NLRC3: variants seen among roughly 807,000 people sequenced by gnomAD.
The protein encoded by NLRC3 is NLR family CARD domain-containing protein 3.
In NLRC3, 87 loss-of-function variants were observed where a neutral mutation model predicts 91.6. The ratio of observed to expected loss-of-function variants is 0.95; its 90% CI spans 0.80 to 1.14. The LOEUF (loss-of-function observed/expected upper bound fraction) is 1.14, where lower values mean the gene tolerates loss of function less well. Among genes scored for constraint, NLRC3 ranks in the 50% most tolerant of loss-of-function variants. The pLI is 0.00. For synonymous variants in NLRC3, 694 were observed against 625.3 expected, an observed-to-expected ratio of 1.11 and a Z score of -1.64; for missense variants, 1,577 against 1,418.6, an observed-to-expected ratio of 1.11 and a Z score of -1.79.
At chr16:3,562,984 C>T (rs1283840999) in intron 5 of NLRC3, 25 bp downstream of exon 5, 1 of 1,544,734 alleles carries the variant, frequency 6.5e-7, no homozygotes, top group Non-Finnish European at 8.7e-7. Context: ...CTTCCCCAGC[C>T]CCTGCCCCCT....
At chr16:3,544,011 T>C in intron 16 of NLRC3, 1 of 500,260 alleles carries the variant, frequency 2.0e-6, no homozygotes, top group Non-Finnish European at 3.6e-6. Context: ...AAAATTAGGC[T>C]GGGTGTGGTG....
At chr16:3,567,907 C>A (rs998906561) in intron 1 of NLRC3, among the ~76,000 whole-genome samples, 2 of 150,812 alleles carry the variant, frequency 1.3e-5, no homozygotes, top group South Asian at 2.1e-4. Context: ...GCTGTGTTGC[C>A]CAGGCTGGAG....
chr16:3,555,420 T>C (rs2039256496), intron 8 of NLRC3, among the ~76,000 whole-genome samples: 1 of 151,914 alleles, frequency 6.6e-6, no homozygotes, highest in African/African-American at 2.4e-5. Context: ...TTGGTGATTG[T>C]GAGGGGCTGG....
intron 6 of NLRC3, among the ~76,000 whole-genome samples, chr16:3,559,642 T>C (rs902126783): frequency 7.5e-5 from 11 of 147,028 alleles, no homozygotes; most frequent in South Asian, 4.3e-4. Flanking sequence ...TTTTTTTTTT[T>C]CTTTTTTTTT....
Position 3,554,272 on chromosome 16 carries a change from A to G in NLRC3, c.2237T>C (p.Leu746Ser), listed in dbSNP as rs1192982368. The G allele has an allele frequency of 6.2e-7, 1 of 1,613,768 alleles. No individual in the cohort carries two copies. The highest frequency in any genetic ancestry group is 1.7e-5 in the Admixed American group (1 of 60,016). Residue 746 changes from leucine to serine, a missense_variant, in exon 9 of 20, where the codon TTG becomes TCG. Physicochemically the swap from Leu to Ser is moderately radical, Grantham distance 145. Transcript: ENST00000359128. ...DDGARSMAEALASNRTLSMLH... is the reference protein window; with the variant it reads ...DDGARSMAEASASNRTLSMLH... ...CATGGAGAGGGTCCGGTTGGAGGCC[A>G]AGGCCTCAGCCATGGACCTGGCACC...
Position 3,563,389 on chromosome 16 carries a change from G to A in NLRC3, c.1548C>T (p.Phe516=). The change falls in exon 5 of 20, where the codon TTC becomes TTT. Residue 516 remains phenylalanine, a synonymous_variant. Transcript: ENST00000359128. ...CCCTCGGAGACAAGAGGCCGGAGAG[G>A]AAGCGCAGGAACACGTCCAGCCTCC... The part of the protein sequence containing the change: ...EDGRLDVFLR[F]LSGLLSPRVN... 1 of 1,581,000 alleles carries A rather than the reference G, an allele frequency of 6.3e-7. No homozygotes were observed. Among genetic ancestry groups the A allele is most frequent in the Non-Finnish European group, 8.6e-7 (1 of 1,164,208 alleles).
chr16:3,555,456 G>A (rs1171319393), intron 8 of NLRC3, among the ~76,000 whole-genome samples: 1 of 152,132 alleles, frequency 6.6e-6, no homozygotes, highest in Non-Finnish European at 1.5e-5. Context: ...GGAAGTGACT[G>A]TTTATGGGTA....
intron 9 of NLRC3, among the ~76,000 whole-genome samples, chr16:3,552,960 C>T (rs2151089733): frequency 6.6e-6 from 1 of 152,066 alleles, no homozygotes; most frequent in East Asian, 1.9e-4. Context: ...AAAAAAGAAA[C>T]CTCCCTAGGA....
In NLRC3 at chr16:3,564,462, C is replaced by A. The variant is rs750986719; in HGVS notation, c.475G>T (p.Val159Phe). 1.9e-6 allele frequency: 3 copies of A among 1,612,552 alleles called. No individual in the cohort carries two copies. The highest frequency in any genetic ancestry group is 1.7e-5 in the Admixed American group (1 of 60,020). The change falls in exon 5 of 20, where the codon GTC becomes TTC. Residue 159 changes from valine (V) to phenylalanine (F), a missense_variant. Val to Phe is a conservative substitution (Grantham distance 50). Coordinates refer to ENST00000359128, the MANE Select transcript of NLRC3 (RefSeq NM_178844.4). The surrounding 1 kb of genome is among the most constrained non-coding windows in gnomAD (Gnocchi z 5.9). ...MGKTTLVRHF[V>F]RLWAHGQVGK... The stretch of plus-strand genomic sequence containing the variant: ...ACCTGCCCATGGGCCCAGAGGCGGA[C>A]GAAGTGCCTCACCAGGGTGGTCTTG...
intron 9 of NLRC3, 39 bp downstream of exon 9, chr16:3,554,203 A>G: frequency 6.9e-7 from 1 of 1,449,106 alleles, no homozygotes; most frequent in Non-Finnish European, 9.7e-7. Context: ...GAGGAGGGAG[A>G]AGGGAGAGAA....
At position 3,564,067 on chromosome 16, in the gene NLRC3, G is replaced by C; in HGVS notation, c.870C>G (p.Asn290Lys). 3.7e-6 allele frequency: 6 copies of C among 1,613,208 alleles called. No homozygotes were observed. The highest frequency in any genetic ancestry group is 4.2e-6 in the Non-Finnish European group (5 of 1,179,892). ...VDRMTEIRGF[N>K]EEEIKVCLEQ... ...CCAAACACACCTTGATCTCCTCCTC[G>C]TTAAAGCCCCGGATCTCCGTCATCC... The change falls in exon 5 of 20, where the codon AAC (asparagine) becomes AAG (lysine). Residue 290 changes from asparagine (N) to lysine (K), a missense_variant. Asn to Lys is a moderately conservative substitution (Grantham distance 94). Coordinates refer to ENST00000359128, the MANE Select transcript of NLRC3 (RefSeq NM_178844.4). This position sits in a 1 kb window ranked among gnomAD's most constrained non-coding sequence, Gnocchi z 5.9.
At chr16:3,552,110 C>T in intron 10 of NLRC3, 86 bp downstream of exon 10, 1 of 827,806 alleles carries the variant, frequency 1.2e-6, no homozygotes, top group East Asian at 2.5e-5. Flanking sequence ...TCCATCCATC[C>T]ATCCTCAGGC....
chr16:3,549,550 C>G, intron 12 of NLRC3, 147 bp downstream of exon 12: 2 of 690,432 alleles, frequency 2.9e-6, no homozygotes, highest in South Asian at 3.6e-5. Context: ...ATCCCCTGCA[C>G]CCCAAGAGAG....
intron 1 of NLRC3, among the ~76,000 whole-genome samples, chr16:3,571,157 C>CCTATGA (rs2040083700): frequency 6.6e-6 from 1 of 151,874 alleles, no homozygotes. Flanking sequence ...GGCATTGGGG[C>CCTATGA]AATTGACCAG....
At chr16:3,548,902 A>G in intron 13 of NLRC3, 149 bp from the exon 14 acceptor site, 1 of 668,334 alleles carries the variant, frequency 1.5e-6, no homozygotes, top group Non-Finnish European at 2.6e-6. Flanking sequence ...ATGGCATGGT[A>G]ACATCCTCAT....
chr16:3,542,241 C>G lies in NLRC3; in HGVS notation c.3057G>C (p.Ala1019=). ...CAGACAGTGCTGTGGCAATGCATAT[C>G]GCCCCGTCCATCCCCAGAGAATTCT... ...LQENSLGMDG[A]ICIATALSGN... Residue 1019 remains alanine (A), a synonymous_variant, in exon 19 of 20, where the codon GCG becomes GCC. Coordinates refer to ENST00000359128, the MANE Select transcript of NLRC3 (RefSeq NM_178844.4). 1 of 1,594,524 alleles carries G rather than the reference C, an allele frequency of 6.3e-7. No individual in the cohort carries two copies.
chr16:3,552,106 C>T (rs1010380492), intron 10 of NLRC3, 90 bp downstream of exon 10: 2 of 805,004 alleles, frequency 2.5e-6, no homozygotes, highest in Non-Finnish European at 2.2e-6. Context: ...TCAATCCATC[C>T]ATCCATCCTC....
chr16:3,563,963 A>C lies in NLRC3; in HGVS notation c.974T>G (p.Met325Arg), dbSNP rs1194671044. 6.2e-7 allele frequency: 1 copy of C among 1,602,616 alleles called. No homozygotes were observed. The highest frequency in any genetic ancestry group is 8.5e-7 in the Non-Finnish European group (1 of 1,177,208). ...CCTGCAGAAGGCTGGGACGGTGCACATCAGGTACAGGGCCCTGTCAGCCTG... is the reference window on the plus strand; with the variant it reads ...CCTGCAGAAGGCTGGGACGGTGCACCTCAGGTACAGGGCCCTGTCAGCCTG... ...QVQADRALYL[M>R]CTVPAFCRLT... Residue 325 changes from methionine (M) to arginine (R), a missense_variant, in exon 5 of 20, where the codon ATG (methionine) becomes AGG (arginine). Physicochemically the swap from Met to Arg is moderately conservative, Grantham distance 91 (BLOSUM62 -1). Coordinates refer to ENST00000359128, the MANE Select transcript of NLRC3 (RefSeq NM_178844.4).
intron 14 of NLRC3, 74 bp from the exon 15 acceptor site, chr16:3,548,292 T>A: frequency 8.5e-7 from 1 of 1,182,974 alleles, no homozygotes; most frequent in Non-Finnish European, 1.2e-6. Flanking sequence ...AAGGAGGCTC[T>A]GATGGCAGGA....
Sources: allele counts gnomAD v4.1 joint callset (sites outside exome capture counted in the v4.1 genomes callset), GRCh38; gene constraint gnomAD v4.1.1; non-coding constraint Gnocchi (gnomAD v3.1); transcripts MANE v1.5; gene names NCBI Gene and HGNC (gene_info 2026-07-23, HGNC 2026-07-21).